PCDH15: variants seen among roughly 807,000 people sequenced by gnomAD.
The protein encoded by PCDH15 is protocadherin related 15, also known as protocadherin-15.
In PCDH15, 129 loss-of-function variants were observed where a neutral mutation model predicts 178.5. That is an observed-to-expected ratio of 0.72 (90% CI 0.63 to 0.84). The LOEUF (loss-of-function observed/expected upper bound fraction) is 0.84, where lower values mean the gene tolerates loss of function less well. Among genes scored for constraint, PCDH15 ranks in the 40% least tolerant of loss-of-function variants. PCDH15 has a pLI of 0.00. For synonymous variants in PCDH15, 800 were observed against 732.0 expected (o/e 1.09, Z -1.50); for missense variants, 2,230 against 2,099.9 (o/e 1.06, Z -1.21).
chr10:54,579,236 T>C (rs1411133352), intron 2 of PCDH15, among the ~76,000 whole-genome samples: 2 of 152,118 alleles, frequency 1.3e-5, no homozygotes, highest in African/African-American at 4.8e-5. Context: ...ATCCATCTGC[T>C]GTCTTCAAGA....
intron 2 of PCDH15, among the ~76,000 whole-genome samples, chr10:54,568,410 A>T (rs1311431877): frequency 6.6e-6 from 1 of 152,136 alleles, no homozygotes; most frequent in Non-Finnish European, 1.5e-5. Context: ...CTGATATATT[A>T]CATCTTCATT....
chr10:54,856,804 C>A lies in PCDH15; in HGVS notation c.-29+40646G>T, dbSNP rs540760537. Among the ~76,000 whole-genome samples, 3 of 152,216 alleles carry A rather than the reference C, an allele frequency of 2.0e-5. No individual in the cohort carries two copies. In the East Asian group the frequency reaches 5.8e-4, roughly 29 times the overall value. ...AGTCTACGGATGTGACATTTTTGGA[C>A]CTTTGGACTATGTTACCACCTCTAG... On this transcript the variant is annotated intron_variant, in intron 3 of 5. Transcript: ENST00000458638.
At chr10:55,548,393 T>C (rs2085269288) in intron 2 of PCDH15, among the ~76,000 whole-genome samples, 1 of 152,094 alleles carries the variant, frequency 6.6e-6, no homozygotes, top group African/African-American at 2.4e-5. Flanking sequence ...GTAAATGCCT[T>C]GTTTCAATCC....
At chr10:54,071,289 A>G (rs2094237479) in intron 17 of PCDH15, among the ~76,000 whole-genome samples, 1 of 152,180 alleles carries the variant, frequency 6.6e-6, no homozygotes, top group Admixed American at 6.5e-5. Context: ...GCTATGTAAG[A>G]AAACCAGAAA....
chr10:55,574,907 T>A (rs866183733), intron 2 of PCDH15, among the ~76,000 whole-genome samples: 1 of 152,108 alleles, frequency 6.6e-6, no homozygotes, highest in African/African-American at 2.4e-5. Context: ...AGACTTTTAG[T>A]AACATCTCTT....
At chr10:54,132,180 T>C (rs528721738) in intron 15 of PCDH15, among the ~76,000 whole-genome samples, 1 of 152,212 alleles carries the variant, frequency 6.6e-6, no homozygotes, top group East Asian at 1.9e-4. Flanking sequence ...AAAGTGAAAA[T>C]ATATCAACAC....
At chr10:54,559,850 TAAA>T (rs80250003) in intron 2 of PCDH15, among the ~76,000 whole-genome samples, 1,998 of 73,050 alleles carry the variant, frequency 0.027, 48 homozygotes, top group African/African-American at 0.09. Flanking sequence ...TGTCTTATAG[TAAA>T]AAAAAAAAAA....
chr10:55,035,452 A>T (rs1489782059), intron 2 of PCDH15, among the ~76,000 whole-genome samples: 2 of 152,036 alleles, frequency 1.3e-5, no homozygotes, highest in Non-Finnish European at 2.9e-5. Flanking sequence ...GGCCCAGTTC[A>T]TATTATCCTC....
At chr10:54,626,297 C>T (rs1245660024) in intron 2 of PCDH15, among the ~76,000 whole-genome samples, 1 of 152,040 alleles carries the variant, frequency 6.6e-6, no homozygotes, top group Admixed American at 6.6e-5. Context: ...TAACAAGGAA[C>T]ACAATAGGGG....
rs897603115 is a variant in PCDH15, at chr10:54,787,200, G to A, written c.-29+13725C>T. 2.6e-5 allele frequency among the ~76,000 whole-genome samples: 4 copies of A among 151,622 alleles called. No homozygotes were observed. The South Asian group carries it at 8.3e-4, about 32-fold the overall frequency. On this transcript the variant is annotated intron_variant, in intron 1 of 37. Coordinates refer to ENST00000644397, the MANE Select transcript of PCDH15 (RefSeq NM_001384140.1). ...AGTCCTAAATGGTTGACAAATATAT[G>A]CTAAAAGCAGGGTATAAATATAGGC...
intron 2 of PCDH15, among the ~76,000 whole-genome samples, chr10:54,622,725 T>C (rs1368806053): frequency 1.0e-5 from 1 of 97,846 alleles, no homozygotes; most frequent in African/African-American, 4.5e-5. Context: ...ATAATATATA[T>C]TATATAATTA....
intron 9 of PCDH15, among the ~76,000 whole-genome samples, chr10:54,220,804 G>C (rs999080024): frequency 1.3e-5 from 2 of 151,134 alleles, no homozygotes; most frequent in Non-Finnish European, 2.9e-5. Flanking sequence ...CAGCCTGGGC[G>C]ACAGAGCGAG....
At chr10:54,725,526 T>TTATATAAATATAATTATATATATAATTA in intron 1 of PCDH15, among the ~76,000 whole-genome samples, 1 of 125,476 alleles carries the variant, frequency 8.0e-6, no homozygotes, top group Non-Finnish European at 1.9e-5. Flanking sequence ...TTGTTTATGT[T>TTATATAAATATAATTATATATATAATTA]TATATAAATA....
intron 3 of PCDH15, among the ~76,000 whole-genome samples, chr10:54,893,684 C>G (rs1280671128): frequency 6.6e-6 from 1 of 152,050 alleles, no homozygotes; most frequent in African/African-American, 2.4e-5. Flanking sequence ...TAAACATTCT[C>G]TATTCCTCAT....
chr10:54,105,284 A>G (rs1214515242), intron 15 of PCDH15, among the ~76,000 whole-genome samples: 1 of 31,206 alleles, frequency 3.2e-5, no homozygotes, highest in Non-Finnish European at 5.0e-5. Context: ...GGAGATATAT[A>G]TATATATATA....
At chr10:53,808,967 G>GTTC (rs774006219) in intron 37 of PCDH15, 3 of 1,558,980 alleles carry the variant, frequency 1.9e-6, no homozygotes, top group Non-Finnish European at 1.7e-6. Context: ...TCTTCTGAGT[G>GTTC]TTCTTCTTCT....
intron 2 of PCDH15, among the ~76,000 whole-genome samples, chr10:55,371,146 A>G (rs1845498088): frequency 6.6e-6 from 1 of 152,114 alleles, no homozygotes; most frequent in Admixed American, 6.6e-5. Flanking sequence ...ATTTTTAAAG[A>G]TAGGATAGAG....
chr10:53,930,476 A>G (rs975648274), intron 25 of PCDH15, among the ~76,000 whole-genome samples: 13 of 151,126 alleles, frequency 8.6e-5, no homozygotes, highest in African/African-American at 1.5e-4. Context: ...AAAAAAAAAA[A>G]AAAAAAAAAA....
At chr10:54,500,200 A>T (rs539216756) in intron 3 of PCDH15, among the ~76,000 whole-genome samples, 1 of 152,250 alleles carries the variant, frequency 6.6e-6, no homozygotes, top group Non-Finnish European at 1.5e-5. Flanking sequence ...CAGAAACAGA[A>T]AATCAAATAC....
Sources: allele counts gnomAD v4.1 joint callset (sites outside exome capture counted in the v4.1 genomes callset), GRCh38; gene constraint gnomAD v4.1.1; transcripts MANE v1.5; gene names NCBI Gene and HGNC (gene_info 2026-07-23, HGNC 2026-07-21).